The following PPP2R1B variants were observed in gnomAD, a reference collection of about 807,000 sequenced individuals.
The protein encoded by PPP2R1B is serine/threonine-protein phosphatase 2A 65 kDa regulatory subunit A beta isoform.
In PPP2R1B, 58 loss-of-function variants were observed where a neutral mutation model predicts 72.7. That is an observed-to-expected ratio of 0.80 (90% confidence interval 0.65 to 0.99). The LOEUF (loss-of-function observed/expected upper bound fraction) is 0.99. Ranked by LOEUF, PPP2R1B falls within the 50% of genes least tolerant of loss-of-function variation. The pLI, the probability that PPP2R1B is intolerant of heterozygous loss-of-function variation, is 0.00. For missense variants in PPP2R1B, 695 were observed against 733.6 expected, an observed-to-expected ratio of 0.95 and a Z score of 0.61; for synonymous variants, 256 against 264.6, an observed-to-expected ratio of 0.97 and a Z score of 0.32.
chr11:111,740,494 A>G lies in PPP2R1B; in HGVS notation c.*1102T>C. On this transcript the variant is annotated 3_prime_UTR_variant, in exon 15 of 15. Coordinates refer to ENST00000527614, the MANE Select transcript of PPP2R1B (RefSeq NM_002716.5). ...GGTGCTTTTTAAAAAGGGCTTTAAT[A>G]CTGTTTAAGTAGTTCAAATAGGCTT... 1 of 985,220 alleles carries G rather than the reference A, an allele frequency of 1.0e-6. No homozygotes were observed. Among genetic ancestry groups the G allele is most frequent in the Non-Finnish European group, 1.2e-6 (1 of 829,756 alleles). 61.0% of individuals were successfully genotyped at this position (985,220 alleles called of 1,614,324 possible). A position where few individuals can be genotyped will look rare whatever the true frequency, so the allele number is the denominator to read the frequency against.
rs1555052690 is a variant in PPP2R1B, at chr11:111,765,322, G to A, written c.177C>T (p.Thr59=). The A allele has an allele frequency of 6.2e-7, 1 of 1,613,154 alleles. No individual in the cohort carries two copies. The highest frequency in any genetic ancestry group is 1.1e-5 in the South Asian group (1 of 91,026). Residue 59 remains threonine, a synonymous_variant, in exon 2 of 15, where the codon ACC becomes ACT. Coordinates refer to ENST00000527614, the MANE Select transcript of PPP2R1B (RefSeq NM_002716.5). ...TAAGAAATGGCAACAATTCACTTCG[G>A]GTCCTTTCTACTCCAAGTGCTAGGG... The part of the protein sequence containing the change: ...TIALALGVER[T]RSELLPFLTD...
intron 5 of PPP2R1B, among the ~76,000 whole-genome samples, chr11:111,757,343 T>C (rs1555050047): frequency 2.6e-5 from 4 of 152,128 alleles, no homozygotes; most frequent in Non-Finnish European, 4.4e-5. Flanking sequence ...ATTACAAATC[T>C]TAGAAACTGT....
chr11:111,721,877 C>A, the PPP2R1B span: 1 of 1,612,908 alleles, frequency 6.2e-7, no homozygotes, highest in Non-Finnish European at 8.5e-7. Context: ...TCCCTGCCAG[C>A]GTGCATCCCC....
chr11:111,755,140 T>C (rs782374875), intron 6 of PPP2R1B, 46 bp from the exon 7 acceptor site: 1 of 1,555,900 alleles, frequency 6.4e-7, no homozygotes, highest in Admixed American at 1.9e-5. Flanking sequence ...AACAAAAGAA[T>C]TAACAAGAAC....
chr11:111,726,742 G>A (rs370637712), downstream of PPP2R1B: 182 of 554,948 alleles, frequency 3.3e-4, 3 homozygotes, highest in East Asian at 3.6e-3. Context: ...GCTTAGTATC[G>A]CTCTTTTTCT....
In PPP2R1B at chr11:111,754,548, A is replaced by G. The variant is rs782624080; in HGVS notation, c.980T>C (p.Ile327Thr). 1 of 1,604,724 alleles carries G rather than the reference A, an allele frequency of 6.2e-7. No individual in the cohort carries two copies. The highest frequency in any genetic ancestry group is 1.1e-5 in the South Asian group (1 of 88,006). Residue 327 changes from isoleucine to threonine, a missense_variant, in exon 8 of 15, where the codon ATT (isoleucine) becomes ACT (threonine). Ile to Thr is a moderately conservative substitution (Grantham distance 89, BLOSUM62 -1). Coordinates refer to ENST00000527614, the MANE Select transcript of PPP2R1B (RefSeq NM_002716.5). ...CATAATTATGGTCTCTCTATCTTCA[A>G]TGGGCAAGTTCTCACCAAGTTCTAA... ...KVKELGENLP[I>T]EDRETIIMNQ... is the part of the protein sequence containing the mutation.
chr11:111,720,101 G>A, the PPP2R1B span: 16 of 1,174,588 alleles, frequency 1.4e-5, no homozygotes, highest in South Asian at 2.0e-4. Flanking sequence ...ACCTAAAATT[G>A]AGTCGATAGC....
At chr11:111,690,412 T>C in the PPP2R1B span, among the ~76,000 whole-genome samples, 9 of 151,718 alleles carry the variant, frequency 5.9e-5, no homozygotes, top group East Asian at 7.7e-4. Flanking sequence ...TGTTTTTTTT[T>C]CCAAGAGAAC....
chr11:111,716,502 G>C, the PPP2R1B span, among the ~76,000 whole-genome samples: 1 of 152,206 alleles, frequency 6.6e-6, no homozygotes, highest in Non-Finnish European at 1.5e-5. Context: ...GCTTGAACCT[G>C]GGAGATGGAG....
the PPP2R1B span, among the ~76,000 whole-genome samples, chr11:111,719,363 T>G: frequency 6.7e-6 from 1 of 149,182 alleles, no homozygotes; most frequent in Non-Finnish European, 1.5e-5. Flanking sequence ...CCCCTTTTTT[T>G]TTTTTTTTTT....
At chr11:111,703,081 C>T in the PPP2R1B span, 1 of 780,538 alleles carries the variant, frequency 1.3e-6, no homozygotes, top group South Asian at 1.8e-5. Context: ...TTCATTTGAC[C>T]TTCTGCTTTC....
At chr11:111,711,801 G>A in the PPP2R1B span, among the ~76,000 whole-genome samples, 1 of 152,170 alleles carries the variant, frequency 6.6e-6, no homozygotes, top group Non-Finnish European at 1.5e-5. Context: ...TTGTGGGTGT[G>A]TATATATCTG....
Position 111,740,475 on chromosome 11 carries a change from T to TA in PPP2R1B, c.*1120_*1121insT, listed in dbSNP as rs1254201319. On this transcript the variant is annotated 3_prime_UTR_variant, in exon 15 of 15. Transcript: ENST00000527614. ...CCTCAAATGATCCCAAATAGGTGCT[T>TA]TTTAAAAAGGGCTTTAATACTGTTT... 1 of 984,690 alleles carries TA rather than the reference T, an allele frequency of 1.0e-6. No individual in the cohort carries two copies. The highest frequency in any genetic ancestry group is 1.2e-6 in the Non-Finnish European group (1 of 829,420). The allele number at this position is 984,690 out of a possible 1,614,324, so 61.0% of individuals were successfully genotyped here.
chr11:111,739,777 T>G lies in PPP2R1B; in HGVS notation c.*1819A>C. The G allele has an allele frequency of 1.0e-6, 1 of 970,212 alleles. No individual in the cohort carries two copies. The highest frequency in any genetic ancestry group is 1.2e-6 in the Non-Finnish European group (1 of 816,180). 60.1% of individuals were successfully genotyped at this position (970,212 alleles called of 1,614,324 possible). ...AACAAAAAATAAAGACTCATGAAACTAAAATTAAAATGTTTACAGAATAAT... is the reference window on the plus strand; with the variant it reads ...AACAAAAAATAAAGACTCATGAAACGAAAATTAAAATGTTTACAGAATAAT... On this transcript the variant is annotated 3_prime_UTR_variant, in exon 15 of 15. Transcript: ENST00000527614.
chr11:111,730,779 T>C (rs1202238568), intron 15 of PPP2R1B: 3 of 152,322 alleles, frequency 2.0e-5, no homozygotes, highest in African/African-American at 7.2e-5. Context: ...AATGGGGTAA[T>C]TTTCTGCAAG....
At chr11:111,725,663 G>C (rs894974489), downstream of PPP2R1B, 2 of 152,674 alleles carry the variant, frequency 1.3e-5, no homozygotes, top group Admixed American at 6.5e-5. Context: ...ACTAACTGAT[G>C]CTGCATCTAG....
the PPP2R1B span, among the ~76,000 whole-genome samples, chr11:111,694,797 T>C: frequency 6.6e-6 from 1 of 152,184 alleles, no homozygotes; most frequent in Non-Finnish European, 1.5e-5. Flanking sequence ...TTTGGTTTGA[T>C]TTGATTTTTT....
chr11:111,756,492 C>G (rs1945124909), intron 5 of PPP2R1B, among the ~76,000 whole-genome samples: 1 of 151,570 alleles, frequency 6.6e-6, no homozygotes, highest in African/African-American at 2.4e-5. Context: ...CAGATTAGGA[C>G]AAAGGTAAGA....
the PPP2R1B span, among the ~76,000 whole-genome samples, chr11:111,708,764 T>C: frequency 6.6e-6 from 1 of 152,048 alleles, no homozygotes; most frequent in Admixed American, 6.6e-5. Context: ...TTTTTTTATT[T>C]TTTTGTGGAG....
Sources: allele counts gnomAD v4.1 joint callset (sites outside exome capture counted in the v4.1 genomes callset), GRCh38; gene constraint gnomAD v4.1.1; transcripts MANE v1.5; gene names NCBI Gene and HGNC (gene_info 2026-07-23, HGNC 2026-07-21).